The following ZNF490 variants were observed in gnomAD, a reference collection of about 807,000 sequenced individuals.
The protein encoded by ZNF490 is zinc finger protein 490.
ZNF490 carries 11 observed loss-of-function variants against 17.7 expected under a neutral mutation model. The ratio of observed to expected loss-of-function variants is 0.62; its 90% CI spans 0.39 to 1.03. The LOEUF is 1.03. Among genes scored for constraint, ZNF490 ranks in the 50% least tolerant of loss-of-function variants. ZNF490 has a pLI of 0.00. For synonymous variants in ZNF490, 222 were observed against 216.1 expected, an observed-to-expected ratio of 1.03 and a Z score of -0.24; for missense variants, 542 against 643.4, an observed-to-expected ratio of 0.84 and a Z score of 1.71.
At chr19:12,606,764 A>G (rs2023072903) in intron 2 of ZNF490, among the ~76,000 whole-genome samples, 1 of 152,182 alleles carries the variant, frequency 6.6e-6, no homozygotes, top group African/African-American at 2.4e-5. Context: ...CTAAAAGTCC[A>G]TGACCATTCA....
chr19:12,596,611 G>C (rs1256162220), intron 2 of ZNF490, among the ~76,000 whole-genome samples: 3 of 152,002 alleles, frequency 2.0e-5, no homozygotes, highest in African/African-American at 7.2e-5. Context: ...GATGCAGTGA[G>C]GTTTGATGGC....
In ZNF490 at chr19:12,609,145, C is replaced by T. The variant is rs758819196; in HGVS notation, c.162+13G>A. ...GGAAGGTAGCCACGCTGACAGGTAG[C>T]GATCTCACTTACAGTTTGAGTCTTG... On this transcript the variant is annotated intron_variant, in intron 2 of 4. Coordinates refer to ENST00000311437, the MANE Select transcript of ZNF490 (RefSeq NM_020714.3). 2.5e-6 allele frequency: 4 copies of T among 1,613,594 alleles called. No individual in the cohort carries two copies. The highest frequency in any genetic ancestry group is 2.2e-5 in the South Asian group (2 of 91,050).
chr19:12,609,117 CAAGG>C (rs1325001473), intron 2 of ZNF490, 37 bp downstream of exon 2: 1 of 1,608,928 alleles, frequency 6.2e-7, no homozygotes, highest in Non-Finnish European at 8.5e-7. Flanking sequence ...TCATTATAAA[CAAGG>C]AAGGTAGCCA....
At chr19:12,601,727 A>T (rs562484640) in intron 2 of ZNF490, among the ~76,000 whole-genome samples, 89 of 152,136 alleles carry the variant, frequency 5.9e-4, no homozygotes, top group Middle Eastern at 6.8e-3. Context: ...GTGCGGTGGC[A>T]TAGGCCTGTA....
At chr19:12,593,895 G>A (rs1295647554) in intron 2 of ZNF490, among the ~76,000 whole-genome samples, 1 of 152,182 alleles carries the variant, frequency 6.6e-6, no homozygotes. Flanking sequence ...CTCCTGCAGA[G>A]AGGATATGCT....
At chr19:12,593,429 T>A (rs988031614) in intron 2 of ZNF490, among the ~76,000 whole-genome samples, 1 of 151,966 alleles carries the variant, frequency 6.6e-6, no homozygotes, top group African/African-American at 2.4e-5. Flanking sequence ...TTTGTATTTT[T>A]AGTAGAGACG....
chr19:12,576,827 AAAAAAAAAACCTAAAAG>A lies in ZNF490; in HGVS notation c.*3641_*3657del, dbSNP rs2022645930. Among the ~76,000 whole-genome samples, 3 of 151,242 alleles carry A rather than the reference AAAAAAAAAACCTAAAAG, an allele frequency of 2.0e-5. No individual in the cohort carries two copies. In the South Asian group the frequency reaches 6.2e-4, roughly 31 times the overall value. On this transcript the variant is annotated 3_prime_UTR_variant, in exon 5 of 5. Transcript: ENST00000311437. ...AGAATCCATCTCAAAAAAAAAAAAAAAAAAAAAAACCTAAAAGCATTCCATATTTAAAAATATATATA... is the reference window on the plus strand; with the variant it reads ...AGAATCCATCTCAAAAAAAAAAAAAACATTCCATATTTAAAAATATATATA...
intron 2 of ZNF490, among the ~76,000 whole-genome samples, chr19:12,601,097 A>G (rs534948874): frequency 1.3e-5 from 2 of 148,464 alleles, no homozygotes; most frequent in African/African-American, 2.5e-5. Context: ...AAAAAAAAAG[A>G]AAAAAAAAAG....
intron 2 of ZNF490, among the ~76,000 whole-genome samples, chr19:12,601,023 G>A (rs1033828209): frequency 1.3e-5 from 2 of 150,342 alleles, no homozygotes; most frequent in African/African-American, 4.9e-5. Flanking sequence ...CTGGAAGGCA[G>A]AGACTGCAGT....
Position 12,583,421 on chromosome 19 carries a change from C to T in ZNF490, c.289+9G>A, listed in dbSNP as rs2022765812. On this transcript the variant is annotated intron_variant, in intron 3 of 4. Transcript: ENST00000311437. ...CCTTAATTAAGTAGAGAAATTATGT[C>T]ACCCTTACCTATACAGGCCAGGTTC... 2.5e-6 allele frequency: 4 copies of T among 1,582,708 alleles called. No homozygotes were observed. Among genetic ancestry groups the T allele is most frequent in the Non-Finnish European group, 3.4e-6 (4 of 1,162,834 alleles).
At chr19:12,583,808 T>C (rs2022777409) in intron 2 of ZNF490, among the ~76,000 whole-genome samples, 1 of 113,830 alleles carries the variant, frequency 8.8e-6, no homozygotes, top group Non-Finnish European at 1.8e-5. Flanking sequence ...TATATATATA[T>C]ATATTTTTTT....
In ZNF490 at chr19:12,584,748, A is replaced by T. The variant is rs1354705851; in HGVS notation, c.163-1192T>A. ...AACATGAGAGATCAGGAAGTCTGTG[A>T]AAAGCCAGAAGTCACTGGCCATGTT... On this transcript the variant is annotated intron_variant, in intron 2 of 4. Coordinates refer to ENST00000311437, the MANE Select transcript of ZNF490 (RefSeq NM_020714.3). Among the ~76,000 whole-genome samples, 2 of 94,426 alleles carry T rather than the reference A, an allele frequency of 2.1e-5. 1 individual carries two copies. The highest frequency in any genetic ancestry group is 6.4e-5 in the African/African-American group (2 of 31,430). The allele number at this position is 94,426 out of a possible 152,430, so 61.9% of individuals were successfully genotyped here. A position where few individuals can be genotyped will look rare whatever the true frequency, so the allele number is the denominator to read the frequency against.
At chr19:12,594,465 CAAA>C (rs112237787) in intron 2 of ZNF490, among the ~76,000 whole-genome samples, 1 of 106,246 alleles carries the variant, frequency 9.4e-6, no homozygotes, top group Non-Finnish European at 2.0e-5. Flanking sequence ...GACTCCATCT[CAAA>C]AAAAAAAAAA....
chr19:12,590,509 A>G (rs989439454), intron 2 of ZNF490, among the ~76,000 whole-genome samples: 1 of 152,144 alleles, frequency 6.6e-6, no homozygotes, highest in African/African-American at 2.4e-5. Context: ...GGCATGAGCC[A>G]CCGTGCCTGG....
chr19:12,597,875 A>T (rs2022954038), intron 2 of ZNF490, among the ~76,000 whole-genome samples: 1 of 152,166 alleles, frequency 6.6e-6, no homozygotes, highest in Non-Finnish European at 1.5e-5. Flanking sequence ...TTTTCACACC[A>T]GCCTGGGTAA....
Position 12,577,752 on chromosome 19 carries a change from TC to T in ZNF490, c.*2732del. The stretch of plus-strand genomic sequence containing the variant: ...GGTGGAGGCCAGAGGCCTAAAGAGT[TC>T]CGACCCGAGCGACACAAAGATCACT... On this transcript the variant is annotated 3_prime_UTR_variant, in exon 5 of 5. Transcript: ENST00000311437. 1.0e-6 allele frequency: 1 copy of T among 985,462 alleles called. No individual in the cohort carries two copies. Among genetic ancestry groups the T allele is most frequent in the African/African-American group, 1.7e-5 (1 of 57,328 alleles). The allele number at this position is 985,462 out of a possible 1,614,324, so 61.0% of individuals were successfully genotyped here.
At chr19:12,583,025 C>A in intron 3 of ZNF490, 115 bp from the exon 4 acceptor site, 2 of 822,888 alleles carry the variant, frequency 2.4e-6, no homozygotes, top group Non-Finnish European at 3.7e-6. Flanking sequence ...GATCTACTTA[C>A]TAAAGTATTC....
At chr19:12,588,383 C>T (rs1340632214) in intron 2 of ZNF490, among the ~76,000 whole-genome samples, 3 of 152,098 alleles carry the variant, frequency 2.0e-5, no homozygotes, top group Non-Finnish European at 2.9e-5. Context: ...GATAGAAGGG[C>T]ATTACATACT....
Position 12,577,608 on chromosome 19 carries a change from C to T in ZNF490, c.*2877G>A, listed in dbSNP as rs986742753. ...TCCTCCACTGCATCTCCACAGTAGC[C>T]GTCACTTCCACTGAGGCCTCATCTG... On this transcript the variant is annotated 3_prime_UTR_variant, in exon 5 of 5. Transcript: ENST00000311437. 3.7e-5 allele frequency: 36 copies of T among 985,466 alleles called. No individual in the cohort carries two copies. The highest frequency in any genetic ancestry group is 1.9e-4 in the African/African-American group (11 of 57,370). The allele number at this position is 985,466 out of a possible 1,614,324, so 61.0% of individuals were successfully genotyped here. A position where few individuals can be genotyped will look rare whatever the true frequency, so the allele number is the denominator to read the frequency against.
Sources: allele counts gnomAD v4.1 joint callset (sites outside exome capture counted in the v4.1 genomes callset), GRCh38; gene constraint gnomAD v4.1.1; transcripts MANE v1.5; gene names NCBI Gene and HGNC (gene_info 2026-07-23, HGNC 2026-07-21).